Variants in CDH18 observed in about 807,000 individuals in gnomAD.
The protein encoded by CDH18 is cadherin-18.
A neutral mutation model predicts 67.9 loss-of-function variants in CDH18; 31 were observed. That is an observed-to-expected ratio of 0.46 (90% confidence interval 0.34 to 0.62). The LOEUF is 0.62. Ranked by LOEUF, CDH18 falls within the 20% of genes least tolerant of loss-of-function variation. The pLI, the probability that CDH18 is intolerant of heterozygous loss-of-function variation, is 0.01. For missense variants in CDH18, 890 were observed against 975.5 expected, an observed-to-expected ratio of 0.91 and a Z score of 1.17; for synonymous variants, 362 against 347.2, an observed-to-expected ratio of 1.04 and a Z score of -0.48.
Position 19,813,760 on chromosome 5 carries a change from A to G in CDH18, c.228+24999T>C, listed in dbSNP as rs1436861238. The stretch of plus-strand genomic sequence containing the variant: ...TGTCATAAACCATTAAAATACACTG[A>G]ATATACATATTTTGAATATTTAATT... On this transcript the variant is annotated intron_variant, in intron 3 of 12. Coordinates refer to ENST00000382275, the MANE Select transcript of CDH18 (RefSeq NM_004934.5). Among the ~76,000 whole-genome samples, 5 of 152,274 alleles carry G rather than the reference A, an allele frequency of 3.3e-5. No individual in the cohort carries two copies. The East Asian group carries it at 7.7e-4, about 23-fold the overall frequency.
intron 8 of CDH18, among the ~76,000 whole-genome samples, chr5:19,546,613 C>G (rs556728732): frequency 1.3e-5 from 2 of 152,234 alleles, no homozygotes; most frequent in South Asian, 2.1e-4. Flanking sequence ...CTTTCTAGAA[C>G]AGAGTGTAAG....
At chr5:19,803,053 G>A (rs541889767) in intron 3 of CDH18, among the ~76,000 whole-genome samples, 1 of 152,230 alleles carries the variant, frequency 6.6e-6, no homozygotes, top group Admixed American at 6.5e-5. Flanking sequence ...TCACTTTTAC[G>A]CTTAAATTAC....
intron 1 of CDH18, among the ~76,000 whole-genome samples, chr5:20,447,132 T>C (rs1176513235): frequency 2.0e-5 from 3 of 152,322 alleles, no homozygotes; most frequent in African/African-American, 7.2e-5. Flanking sequence ...TTTTATCCTT[T>C]TTCCTTCCTT....
chr5:20,107,119 C>A (rs1199320590), intron 2 of CDH18, among the ~76,000 whole-genome samples: 10 of 144,190 alleles, frequency 6.9e-5, no homozygotes, highest in Non-Finnish European at 1.2e-4. Flanking sequence ...CTCGCTCTGT[C>A]GCCCAGGCTG....
intron 2 of CDH18, among the ~76,000 whole-genome samples, chr5:19,904,206 G>A (rs1790267879): frequency 1.3e-5 from 2 of 151,612 alleles, no homozygotes; most frequent in African/African-American, 4.8e-5. Context: ...CTCCGGAGGC[G>A]GAGATTGCAG....
At chr5:19,814,847 T>TACACACACAC (rs200095987) in intron 3 of CDH18, among the ~76,000 whole-genome samples, 5 of 127,796 alleles carry the variant, frequency 3.9e-5, no homozygotes, top group Middle Eastern at 4.4e-3. Flanking sequence ...GCAAAATTGT[T>TACACACACAC]ACACACACAC....
chr5:20,397,275 T>A (rs1223300630), intron 1 of CDH18, among the ~76,000 whole-genome samples: 1 of 151,818 alleles, frequency 6.6e-6, no homozygotes, highest in East Asian at 1.9e-4. Flanking sequence ...GGATTACAGG[T>A]GCGCACCACC....
intron 2 of CDH18, among the ~76,000 whole-genome samples, chr5:20,229,870 T>A (rs2126494762): frequency 6.6e-6 from 1 of 152,272 alleles, no homozygotes; most frequent in East Asian, 1.9e-4. Context: ...GCATTGTAAA[T>A]TAATAATATG....
At chr5:19,942,319 C>G (rs953300873) in intron 2 of CDH18, among the ~76,000 whole-genome samples, 1 of 152,300 alleles carries the variant, frequency 6.6e-6, no homozygotes, top group East Asian at 1.9e-4. Context: ...AAATTAGCAT[C>G]AAAGTGCTTA....
chr5:19,597,658 C>T (rs1351612324), intron 6 of CDH18, among the ~76,000 whole-genome samples: 1 of 151,940 alleles, frequency 6.6e-6, no homozygotes, highest in Non-Finnish European at 1.5e-5. Flanking sequence ...GCTGTCAAAT[C>T]TTAATGTTTT....
At chr5:19,823,034 C>G (rs1298478835) in intron 3 of CDH18, among the ~76,000 whole-genome samples, 1 of 152,162 alleles carries the variant, frequency 6.6e-6, no homozygotes, top group African/African-American at 2.4e-5. Flanking sequence ...GATATTTCTC[C>G]CATTTGCTTT....
intron 1 of CDH18, among the ~76,000 whole-genome samples, chr5:20,565,589 T>G (rs531141512): frequency 6.6e-6 from 1 of 152,132 alleles, no homozygotes; most frequent in South Asian, 2.1e-4. Flanking sequence ...TGAAATATTC[T>G]GGTACTCTCA....
rs146822274 is a variant in CDH18, at chr5:19,534,046, T to C, written c.1390+9823A>G. Among the ~76,000 whole-genome samples the C allele has an allele frequency of 1.3e-3, 196 of 152,302 alleles. 2 individuals are homozygous for C. Among genetic ancestry groups the C allele is most frequent in the African/African-American group, 4.5e-3 (188 of 41,578 alleles). Reference sequence around the variant, plus strand: ...ACTAACACTGGGATATTGCAATTAATAAATCATCAAATGTATTGGCACATT... The same window carrying C: ...ACTAACACTGGGATATTGCAATTAACAAATCATCAAATGTATTGGCACATT... On this transcript the variant is annotated intron_variant, in intron 9 of 12. Coordinates refer to ENST00000382275, the MANE Select transcript of CDH18 (RefSeq NM_004934.5).
At chr5:20,380,708 C>T (rs536423380) in intron 1 of CDH18, among the ~76,000 whole-genome samples, 12 of 152,256 alleles carry the variant, frequency 7.9e-5, no homozygotes, top group Non-Finnish European at 1.8e-4. Context: ...CACTCAACTT[C>T]TGGTGCTTAA....
At chr5:19,840,322 T>C (rs1782159298) in intron 2 of CDH18, among the ~76,000 whole-genome samples, 1 of 146,436 alleles carries the variant, frequency 6.8e-6, no homozygotes, top group Non-Finnish European at 1.5e-5. Context: ...AAGACATGAG[T>C]GTAGGTTATA....
intron 2 of CDH18, among the ~76,000 whole-genome samples, chr5:20,068,331 G>C (rs1003185658): frequency 1.3e-5 from 2 of 151,984 alleles, no homozygotes; most frequent in African/African-American, 4.8e-5. Flanking sequence ...ATGAAATAAA[G>C]AACAGAAACA....
intron 2 of CDH18, among the ~76,000 whole-genome samples, chr5:19,908,478 A>G (rs1490022897): frequency 6.6e-6 from 1 of 152,168 alleles, no homozygotes; most frequent in Non-Finnish European, 1.5e-5. Context: ...TCAAATAATT[A>G]TAAGAAACAT....
chr5:20,076,203 C>T (rs1490598943), intron 2 of CDH18, among the ~76,000 whole-genome samples: 1 of 151,722 alleles, frequency 6.6e-6, no homozygotes, highest in Non-Finnish European at 1.5e-5. Context: ...TTACATATTG[C>T]TAATAACACA....
intron 2 of CDH18, among the ~76,000 whole-genome samples, chr5:20,099,527 T>C (rs1746275718): frequency 1.3e-5 from 2 of 152,210 alleles, no homozygotes; most frequent in Admixed American, 6.5e-5. Flanking sequence ...TTCATCTTTT[T>C]ATCCACATAA....
Sources: allele counts gnomAD v4.1 joint callset (sites outside exome capture counted in the v4.1 genomes callset), GRCh38; gene constraint gnomAD v4.1.1; transcripts MANE v1.5; gene names NCBI Gene and HGNC (gene_info 2026-07-23, HGNC 2026-07-21).